The following ABCC4 variants were observed in gnomAD, a reference collection of about 807,000 sequenced individuals.
The protein encoded by ABCC4 is ATP binding cassette subfamily C member 4 (PEL blood group).
Under a neutral mutation model 168.5 loss-of-function variants are expected in ABCC4, and 102 were observed. The ratio of observed to expected loss-of-function variants is 0.61; its 90% CI spans 0.52 to 0.71. The LOEUF is 0.71. ABCC4 is among the 30% of genes least tolerant of loss of function. ABCC4 has a pLI of 0.00. For missense variants in ABCC4, 1,402 were observed against 1,605.8 expected, an observed-to-expected ratio of 0.87 and a Z score of 2.17; for synonymous variants, 617 against 590.7, an observed-to-expected ratio of 1.04 and a Z score of -0.65.
intron 1 of ABCC4, among the ~76,000 whole-genome samples, chr13:95,254,027 G>A (rs1055990526): frequency 2.6e-5 from 4 of 152,044 alleles, no homozygotes; most frequent in African/African-American, 9.7e-5. Flanking sequence ...CAAGTAGCTG[G>A]GATAACAAGG....
chr13:95,122,957 T>C lies in ABCC4; in HGVS notation c.2456-6956A>G, dbSNP rs2035627798. 1.3e-5 allele frequency among the ~76,000 whole-genome samples: 2 copies of C among 152,250 alleles called. 1 individual carries two copies. The highest frequency in any genetic ancestry group is 4.1e-4 in the South Asian group (2 of 4,834). Reference sequence around the variant, plus strand: ...TGTTTCTTGCCTTTTCATATAATTATGACATATTTTTGAAAAAGTAATTTC... The same window carrying C: ...TGTTTCTTGCCTTTTCATATAATTACGACATATTTTTGAAAAAGTAATTTC... On this transcript the variant is annotated intron_variant, in intron 19 of 30. Coordinates refer to ENST00000645237, the MANE Select transcript of ABCC4 (RefSeq NM_005845.5).
intron 1 of ABCC4, among the ~76,000 whole-genome samples, chr13:95,281,387 C>T (rs4773869): frequency 0.99 from 148,741 of 150,910 alleles, 73,341 homozygotes; most frequent in Middle Eastern, 1. Context: ...GAACAGCTTA[C>T]ACTGGACAGG....
chr13:95,209,414 C>T lies in ABCC4; in HGVS notation c.785+20G>A, dbSNP rs1394679078. On this transcript the variant is annotated intron_variant, in intron 6 of 30. Transcript: ENST00000645237. ...GTTACCAAATACATATGACATTTTT[C>T]ACAGCAGTATTTCTCTTACCTCAGT... is the stretch of plus-strand genomic sequence containing the variant. 2.5e-6 allele frequency: 4 copies of T among 1,609,818 alleles called. No homozygotes were observed. Among genetic ancestry groups the T allele is most frequent in the Non-Finnish European group, 2.5e-6 (3 of 1,177,680 alleles).
chr13:95,167,759 A>G (rs190720808), intron 14 of ABCC4, among the ~76,000 whole-genome samples: 1 of 152,264 alleles, frequency 6.6e-6, no homozygotes, highest in Admixed American at 6.5e-5. Context: ...AGCAATGCAG[A>G]GTGGGTTCCG....
intron 4 of ABCC4, among the ~76,000 whole-genome samples, chr13:95,212,036 G>A (rs1186687646): frequency 6.6e-6 from 1 of 151,926 alleles, no homozygotes; most frequent in Non-Finnish European, 1.5e-5. Flanking sequence ...AATTAGCTTG[G>A]TGTGGTGGTG....
At chr13:95,184,200 G>C (rs958619744) in intron 11 of ABCC4, among the ~76,000 whole-genome samples, 6 of 152,208 alleles carry the variant, frequency 3.9e-5, no homozygotes, top group African/African-American at 1.4e-4. Flanking sequence ...GGCTACGGAA[G>C]AGGCTGAATG....
intron 19 of ABCC4, among the ~76,000 whole-genome samples, chr13:95,159,428 T>G (rs1052854258): frequency 6.6e-6 from 1 of 151,912 alleles, no homozygotes. Context: ...GGAAGCAAGA[T>G]AAACACTCAG....
At position 95,245,441 on chromosome 13, in the gene ABCC4, T is replaced by C. The variant is rs1303376969; in HGVS notation, c.306+1534A>G. On this transcript the variant is annotated intron_variant, in intron 3 of 30. Transcript: ENST00000645237. ...GGAAATCCTGCACACACTGGCCACA[T>C]TGACACCGACTTGTCATTCTATTTC... 3.9e-5 allele frequency among the ~76,000 whole-genome samples: 6 copies of C among 152,200 alleles called. No individual in the cohort carries two copies. The East Asian group carries it at 9.6e-4, about 24-fold the overall frequency.
intron 27 of ABCC4, among the ~76,000 whole-genome samples, chr13:95,046,116 A>G (rs535295443): frequency 6.6e-6 from 1 of 152,344 alleles, no homozygotes; most frequent in African/African-American, 2.4e-5. Flanking sequence ...TTGCTGAGTA[A>G]TCTTTTTATG....
chr13:95,185,836 G>A (rs1296338933), intron 11 of ABCC4, among the ~76,000 whole-genome samples: 1 of 151,854 alleles, frequency 6.6e-6, no homozygotes, highest in African/African-American at 2.4e-5. Context: ...CATCTTTTCT[G>A]AAAACAATCA....
intron 20 of ABCC4, among the ~76,000 whole-genome samples, chr13:95,113,252 T>C (rs942462312): frequency 6.6e-6 from 1 of 152,226 alleles, no homozygotes; most frequent in African/African-American, 2.4e-5. Flanking sequence ...CAAAGCTAAC[T>C]GTCATTTTGA....
In ABCC4 at chr13:95,071,846, G is replaced by A. The variant is rs1181996654; in HGVS notation, c.3026C>T (p.Ser1009Leu). The A allele has an allele frequency of 1.3e-6, 2 of 1,541,704 alleles. No homozygotes were observed. Among genetic ancestry groups the A allele is most frequent in the African/African-American group, 2.8e-5 (2 of 71,714 alleles). ...TGTGTATTCAATGACCCTTTCTACT[G>A]AGATCATCTGAAAGAAATATGACAT... Reference protein sequence around the residue: ...QSAEVENMMISVERVIEYTDL... With the variant: ...QSAEVENMMILVERVIEYTDL... The change falls in exon 25 of 31, where the codon TCA becomes TTA. Residue 1009 changes from serine (S) to leucine (L), a missense_variant. This residue lies in a region of ABCC4 where 1,007 missense variants were observed against 1,127.3 expected (regional missense o/e 0.89). Coordinates refer to ENST00000645237, the MANE Select transcript of ABCC4 (RefSeq NM_005845.5).
chr13:95,223,231 C>CAATG (rs1453041139), intron 4 of ABCC4, among the ~76,000 whole-genome samples: 2 of 152,094 alleles, frequency 1.3e-5, no homozygotes, highest in Non-Finnish European at 2.9e-5. Context: ...GTCAGACATA[C>CAATG]AATGTATCAT....
At chr13:95,138,199 A>G (rs1250771968) in intron 19 of ABCC4, among the ~76,000 whole-genome samples, 1 of 152,208 alleles carries the variant, frequency 6.6e-6, no homozygotes, top group Non-Finnish European at 1.5e-5. Context: ...CCAGTGGTAA[A>G]TGAATATTTA....
intron 1 of ABCC4, among the ~76,000 whole-genome samples, chr13:95,270,642 T>C (rs755830676): frequency 2.0e-5 from 3 of 152,144 alleles, no homozygotes; most frequent in East Asian, 1.9e-4. Flanking sequence ...TGAGATCTAG[T>C]AGAGATTCTG....
chr13:95,097,292 T>A (rs2034634914), intron 20 of ABCC4, among the ~76,000 whole-genome samples: 1 of 152,144 alleles, frequency 6.6e-6, no homozygotes. Context: ...AATACCAAGA[T>A]GGTAGACTTA....
At chr13:95,034,533 C>T (rs1407272806) in intron 30 of ABCC4, 72 bp downstream of exon 30, 31 of 1,548,476 alleles carry the variant, frequency 2.0e-5, no homozygotes, top group Admixed American at 1.2e-4. Flanking sequence ...TGTTACCATA[C>T]CCATGGTGCC....
At chr13:95,193,081 T>A (rs2038306964) in intron 9 of ABCC4, among the ~76,000 whole-genome samples, 1 of 152,122 alleles carries the variant, frequency 6.6e-6, no homozygotes, top group African/African-American at 2.4e-5. Context: ...AGAAATTACA[T>A]CAGAATTAGG....
At chr13:95,295,163 T>TA (rs968320685) in intron 1 of ABCC4, among the ~76,000 whole-genome samples, 13 of 152,004 alleles carry the variant, frequency 8.6e-5, no homozygotes, top group African/African-American at 3.1e-4. Context: ...AATAATGCTT[T>TA]AAAAAATGCA....
Sources: gnomAD v4.1 joint callset for allele counts (sites outside exome capture counted in the v4.1 genomes callset) on GRCh38, gnomAD v4.1.1 for gene constraint, gnomAD v4.1.1 regional missense constraint, MANE v1.5 for transcripts, NCBI Gene and HGNC (gene_info 2026-07-23, HGNC 2026-07-21) for gene names.